ELMO1: variants seen among roughly 807,000 people sequenced by gnomAD.
The protein encoded by ELMO1 is engulfment and cell motility protein 1.
ELMO1 carries 26 observed loss-of-function variants against 98.9 expected under a neutral mutation model. The ratio of observed to expected loss-of-function variants is 0.26; its 90% CI spans 0.19 to 0.36. ELMO1 has a LOEUF of 0.36. ELMO1 is among the 10% of genes least tolerant of loss of function. The pLI is 1.00. For synonymous variants in ELMO1, 346 were observed against 346.0 expected, an observed-to-expected ratio of 1.00 and a Z score of 0.00; for missense variants, 627 against 935.2, an observed-to-expected ratio of 0.67 and a Z score of 4.30.
chr7:36,908,934 T>G (rs1252081755), intron 16 of ELMO1, among the ~76,000 whole-genome samples: 1 of 152,160 alleles, frequency 6.6e-6, no homozygotes, highest in African/African-American at 2.4e-5. Context: ...TTTAAACTCA[T>G]TACATTGTCA....
intron 2 of ELMO1, among the ~76,000 whole-genome samples, chr7:37,329,061 G>T (rs1477794262): frequency 6.6e-6 from 1 of 152,208 alleles, no homozygotes. Flanking sequence ...GGGTACAGGG[G>T]AGCAAGCACA....
At chr7:36,900,998 C>T (rs1396317282) in intron 16 of ELMO1, among the ~76,000 whole-genome samples, 1 of 151,564 alleles carries the variant, frequency 6.6e-6, no homozygotes, top group Non-Finnish European at 1.5e-5. Flanking sequence ...GGCCAGGGAT[C>T]GCTTTGGGGC....
chr7:37,119,225 T>C (rs970149496), intron 14 of ELMO1, among the ~76,000 whole-genome samples: 3 of 152,210 alleles, frequency 2.0e-5, no homozygotes, highest in African/African-American at 7.2e-5. Context: ...AAAATGACTC[T>C]GAACTTGAGG....
At chr7:37,236,601 A>T (rs913485605) in intron 7 of ELMO1, among the ~76,000 whole-genome samples, 3 of 152,344 alleles carry the variant, frequency 2.0e-5, no homozygotes, top group East Asian at 3.8e-4. Flanking sequence ...TACATATTAC[A>T]TAATATTCTG....
At chr7:36,912,119 T>C (rs1451800033) in intron 16 of ELMO1, among the ~76,000 whole-genome samples, 4 of 152,236 alleles carry the variant, frequency 2.6e-5, no homozygotes, top group African/African-American at 4.8e-5. Context: ...AGTAATCTTC[T>C]AATGCGGTGA....
intron 1 of ELMO1, among the ~76,000 whole-genome samples, chr7:37,371,093 C>CT (rs1343038911): frequency 6.6e-6 from 1 of 152,180 alleles, no homozygotes; most frequent in Non-Finnish European, 1.5e-5. Context: ...TGAACTACAT[C>CT]TACATGGGTG....
chr7:36,902,282 G>A (rs1004343860), intron 16 of ELMO1, among the ~76,000 whole-genome samples: 3 of 152,184 alleles, frequency 2.0e-5, no homozygotes, highest in Non-Finnish European at 2.9e-5. Flanking sequence ...TGGTCTAATC[G>A]TGGCATCCAG....
intron 4 of ELMO1, among the ~76,000 whole-genome samples, chr7:37,279,487 C>T (rs537524680): frequency 6.6e-6 from 1 of 152,164 alleles, no homozygotes; most frequent in African/African-American, 2.4e-5. Flanking sequence ...CTGCAATACC[C>T]GGGAGACACC....
intron 1 of ELMO1, among the ~76,000 whole-genome samples, chr7:37,365,439 T>C (rs2131339694): frequency 6.6e-6 from 1 of 152,228 alleles, no homozygotes; most frequent in South Asian, 2.1e-4. Context: ...ACAGAACGGG[T>C]AGCAGGACAC....
At chr7:36,994,077 T>C (rs1314965805) in intron 16 of ELMO1, among the ~76,000 whole-genome samples, 1 of 152,232 alleles carries the variant, frequency 6.6e-6, no homozygotes, top group Non-Finnish European at 1.5e-5. Context: ...ATTTAGGAAG[T>C]GCCTGAGATA....
intron 14 of ELMO1, among the ~76,000 whole-genome samples, chr7:37,129,759 G>A (rs554520073): frequency 6.6e-6 from 1 of 152,228 alleles, no homozygotes; most frequent in African/African-American, 2.4e-5. Context: ...TTTCTAGCGG[G>A]ACAGTGATTT....
At chr7:37,430,782 A>G (rs1244523482) in intron 1 of ELMO1, among the ~76,000 whole-genome samples, 1 of 152,198 alleles carries the variant, frequency 6.6e-6, no homozygotes, top group Non-Finnish European at 1.5e-5. Context: ...CTTGACAACC[A>G]CACACTGGCA....
At chr7:37,242,401 A>T (rs934250007) in intron 7 of ELMO1, among the ~76,000 whole-genome samples, 20 of 152,310 alleles carry the variant, frequency 1.3e-4, no homozygotes, top group African/African-American at 4.6e-4. Flanking sequence ...TTTTTAAAAA[A>T]CCTTCATCTG....
At chr7:37,202,202 G>A (rs565644705) in intron 13 of ELMO1, among the ~76,000 whole-genome samples, 6 of 152,290 alleles carry the variant, frequency 3.9e-5, no homozygotes, top group African/African-American at 1.4e-4. Flanking sequence ...GTATTTGAAA[G>A]CAAAGTACTT....
At chr7:37,420,107 C>T (rs2131528969) in intron 1 of ELMO1, among the ~76,000 whole-genome samples, 1 of 152,282 alleles carries the variant, frequency 6.6e-6, no homozygotes. Context: ...AGAGGTAAGG[C>T]CCCTGAGTCA....
intron 2 of ELMO1, among the ~76,000 whole-genome samples, chr7:37,331,175 C>CTTT (rs773250872): frequency 6.9e-6 from 1 of 144,544 alleles, no homozygotes; most frequent in South Asian, 2.2e-4. Context: ...CTGCATTTTT[C>CTTT]TTTTTTTTTT....
intron 13 of ELMO1, among the ~76,000 whole-genome samples, chr7:37,154,800 G>A (rs547764400): frequency 6.6e-6 from 1 of 152,100 alleles, no homozygotes; most frequent in Non-Finnish European, 1.5e-5. Context: ...TCAAATTCAG[G>A]AAATACACAG....
intron 16 of ELMO1, among the ~76,000 whole-genome samples, chr7:36,978,155 G>A (rs1790746884): frequency 6.6e-6 from 1 of 152,084 alleles, no homozygotes; most frequent in African/African-American, 2.4e-5. Flanking sequence ...GTCAATGAAT[G>A]TTTCTGAACC....
chr7:36,953,123 G>A (rs1169913573), intron 16 of ELMO1, among the ~76,000 whole-genome samples: 2 of 151,720 alleles, frequency 1.3e-5, no homozygotes, highest in Non-Finnish European at 2.9e-5. Flanking sequence ...CCGCCACCAC[G>A]CCCGGCTAAT....
Sources: gnomAD v4.1 joint callset for allele counts (sites outside exome capture counted in the v4.1 genomes callset) on GRCh38, gnomAD v4.1.1 for gene constraint, MANE v1.5 for transcripts, NCBI Gene and HGNC (gene_info 2026-07-23, HGNC 2026-07-21) for gene names.